CCDC42: variants seen among roughly 807,000 people sequenced by gnomAD.
The protein encoded by CCDC42 is coiled-coil domain-containing protein 42.
In CCDC42, 38 loss-of-function variants were observed where a neutral mutation model predicts 40.8. The observed-to-expected ratio is 0.93, with a 90% CI of 0.72 to 1.22. The LOEUF (loss-of-function observed/expected upper bound fraction) is 1.22, where lower values mean the gene tolerates loss of function less well. Among genes scored for constraint, CCDC42 ranks in the 50% most tolerant of loss-of-function variants. The probability of loss-of-function intolerance (pLI) is 0.00; values close to 1 mark genes in which losing one functional copy is unlikely to be tolerated. For missense variants in CCDC42, 379 were observed against 416.5 expected (o/e 0.91, Z 0.78); for synonymous variants, 135 against 157.5 (o/e 0.86, Z 1.07).
chr17:8,735,372 C>G lies in CCDC42; in HGVS notation c.714+18G>C. The G allele has an allele frequency of 6.2e-7, 1 of 1,613,146 alleles. No individual in the cohort carries two copies. The highest frequency in any genetic ancestry group is 1.3e-5 in the African/African-American group (1 of 75,020). The stretch of plus-strand genomic sequence containing the variant: ...CACCCAGTGCCTGGGAGCCCCCGGC[C>G]CGCCCCGGGCCCCTCACCCAGAAGA... On this transcript the variant is annotated intron_variant, in intron 5 of 6. Transcript: ENST00000293845. The surrounding 1 kb of genome is among the most constrained non-coding windows in gnomAD (Gnocchi z 4.7).
intron 3 of CCDC42, among the ~76,000 whole-genome samples, 181 bp from the exon 4 acceptor site, chr17:8,741,852 G>C (rs1375617018): frequency 6.6e-6 from 1 of 152,158 alleles, no homozygotes; most frequent in African/African-American, 2.4e-5. Context: ...GCTCTCCAGG[G>C]GTATTTGAAG....
chr17:8,739,251 A>C (rs1034451677), intron 4 of CCDC42, among the ~76,000 whole-genome samples: 5 of 152,184 alleles, frequency 3.3e-5, no homozygotes, highest in African/African-American at 1.2e-4. Context: ...TCCAAGGCAG[A>C]ACAGACCAGA....
At position 8,735,096 on chromosome 17, in the gene CCDC42, C is replaced by T; in HGVS notation, c.873G>A (p.Met291Ile). 6.2e-7 allele frequency: 1 copy of T among 1,614,162 alleles called. No individual in the cohort carries two copies. The highest frequency in any genetic ancestry group is 1.1e-5 in the South Asian group (1 of 91,078). The stretch of plus-strand genomic sequence containing the variant: ...CCCAGTGCCTGTCCCCTCCTCCTAC[C>T]ATGTCCAGCTGCTTGTGGGTGTCCT... Reference protein sequence around the residue: ...ALEDTHKQLDMIQQFIQDRSD... With the variant: ...ALEDTHKQLDIIQQFIQDRSD... Residue 291 changes from methionine (M) to isoleucine (I), a missense_variant and splice_region_variant, in exon 6 of 7, where the codon ATG becomes ATA. Physicochemically the swap from Met to Ile is conservative, Grantham distance 10 (BLOSUM62 1). Coordinates refer to ENST00000293845, the MANE Select transcript of CCDC42 (RefSeq NM_144681.3). This position sits in a 1 kb window ranked among gnomAD's most constrained non-coding sequence, Gnocchi z 4.7.
intron 4 of CCDC42, among the ~76,000 whole-genome samples, chr17:8,738,118 G>A (rs1020993136): frequency 3.3e-5 from 5 of 152,098 alleles, no homozygotes; most frequent in South Asian, 2.1e-4. Context: ...GAGCCACCAC[G>A]CTTGACCCAT....
At chr17:8,733,254 C>G (rs1285554175) in intron 6 of CCDC42, among the ~76,000 whole-genome samples, 1 of 152,132 alleles carries the variant, frequency 6.6e-6, no homozygotes, top group Non-Finnish European at 1.5e-5. Flanking sequence ...TTGTACTTTC[C>G]CAGGTCCTTA....
chr17:8,739,899 C>T (rs2086631313), intron 4 of CCDC42, among the ~76,000 whole-genome samples: 1 of 152,046 alleles, frequency 6.6e-6, no homozygotes, highest in Admixed American at 6.5e-5. Flanking sequence ...CTTCCTGCCC[C>T]CCCAACAAAC....
chr17:8,743,668 G>A lies in CCDC42; in HGVS notation c.252C>T (p.Ala84=), dbSNP rs1364107405. The part of the protein sequence containing the change: ...LRWEELGVKE[A]QLKAHIQKSE... The stretch of plus-strand genomic sequence containing the variant: ...ACTTCTGGATGTGAGCCTTCAGTTG[G>A]GCTTCCTTAACGCCCAGTTCCTCCC... Residue 84 remains alanine, a synonymous_variant, in exon 3 of 7, where the codon GCC becomes GCT. Transcript: ENST00000293845. The A allele has an allele frequency of 6.2e-7, 1 of 1,613,260 alleles. No individual in the cohort carries two copies. The highest frequency in any genetic ancestry group is 1.7e-5 in the Admixed American group (1 of 60,016).
At chr17:8,743,772 C>G in intron 2 of CCDC42, 42 bp from the exon 3 acceptor site, 1 of 1,179,798 alleles carries the variant, frequency 8.5e-7, no homozygotes, top group Non-Finnish European at 1.3e-6. Context: ...CAGGAGGGCT[C>G]CTGACATGAG....
intron 4 of CCDC42, among the ~76,000 whole-genome samples, chr17:8,738,186 T>G (rs558596064): frequency 6.6e-6 from 1 of 152,262 alleles, no homozygotes; most frequent in South Asian, 2.1e-4. Flanking sequence ...AATTGTATAG[T>G]AGGTGTGACA....
In CCDC42 at chr17:8,735,711, C is replaced by T; in HGVS notation, c.493-100G>A. The T allele has an allele frequency of 2.0e-6, 2 of 1,000,460 alleles. No individual in the cohort carries two copies. The highest frequency in any genetic ancestry group is 1.5e-6 in the Non-Finnish European group (1 of 686,538). The allele number at this position is 1,000,460 out of a possible 1,614,324, so 62.0% of individuals were successfully genotyped here. On this transcript the variant is annotated intron_variant, in intron 4 of 6. Transcript: ENST00000293845. This position sits in a 1 kb window ranked among gnomAD's most constrained non-coding sequence, Gnocchi z 4.7. Reference sequence around the variant, plus strand: ...CAGCCTGGATGCCTGGACACCTGGACACCTGGGCAGGCAGGCCCTTGGCCA... The same window carrying T: ...CAGCCTGGATGCCTGGACACCTGGATACCTGGGCAGGCAGGCCCTTGGCCA...
At chr17:8,740,899 A>C (rs2151139939) in intron 4 of CCDC42, among the ~76,000 whole-genome samples, 1 of 152,162 alleles carries the variant, frequency 6.6e-6, no homozygotes, top group Non-Finnish European at 1.5e-5. Flanking sequence ...GCTTGGGTTC[A>C]CCCTGGGGCT....
intron 2 of CCDC42, 143 bp downstream of exon 2, chr17:8,743,936 C>T (rs2086661236): frequency 7.4e-6 from 5 of 676,368 alleles, no homozygotes; most frequent in Non-Finnish European, 1.0e-5. Flanking sequence ...TTCTGTTCTC[C>T]CCAAAGAGAC....
chr17:8,743,436 G>C (rs1053981512), intron 3 of CCDC42, among the ~76,000 whole-genome samples, 190 bp downstream of exon 3: 2 of 152,172 alleles, frequency 1.3e-5, no homozygotes, highest in East Asian at 1.9e-4. Flanking sequence ...ATAGGTAAAT[G>C]GAAAATTACA....
At chr17:8,743,303 AG>A (rs1283272225) in intron 3 of CCDC42, among the ~76,000 whole-genome samples, 12 of 152,150 alleles carry the variant, frequency 7.9e-5, no homozygotes, top group Admixed American at 3.9e-4. Context: ...GTATTTCCCA[AG>A]TGTTTAGTCC....
chr17:8,731,325 AC>A (rs2086578657), intron 6 of CCDC42, among the ~76,000 whole-genome samples: 1 of 152,204 alleles, frequency 6.6e-6, no homozygotes, highest in Non-Finnish European at 1.5e-5. Flanking sequence ...AATTAGTTCA[AC>A]CATTGTGGAA....
intron 4 of CCDC42, among the ~76,000 whole-genome samples, chr17:8,740,441 A>G (rs1314581153): frequency 6.7e-6 from 1 of 149,952 alleles, no homozygotes; most frequent in Admixed American, 6.6e-5. Context: ...GTGAGCCGAG[A>G]TCAAGCCACT....
rs751904640 is a variant in CCDC42 at position 8,735,191 on chromosome 17, T to C, written c.778A>G (p.Lys260Glu). The C allele has an allele frequency of 3.1e-6, 5 of 1,614,090 alleles. No homozygotes were observed. In the East Asian group the frequency reaches 6.7e-5, roughly 22 times the overall value. The change falls in exon 6 of 7, where the codon AAG becomes GAG. Residue 260 changes from lysine (K) to glutamate (E), a missense_variant. Lys to Glu is a moderately conservative substitution (Grantham distance 56, BLOSUM62 1). Transcript: ENST00000293845. The surrounding 1 kb of genome is among the most constrained non-coding windows in gnomAD (Gnocchi z 4.7). Reference sequence around the variant, plus strand: ...TGGAAGAGGTTCAGCGTGGCCATCTTAATGGTGCCAAGCAGGAGGGTCTTC... The same window carrying C: ...TGGAAGAGGTTCAGCGTGGCCATCTCAATGGTGCCAAGCAGGAGGGTCTTC... The part of the protein sequence containing the change: ...AKKTLLLGTI[K>E]MATLNLFQIV...
rs1597344626 is a variant in CCDC42, at chr17:8,735,908, C to G, written c.493-297G>C. ...TAGGGGCTTTAAAAAGGACACCTGCCAGTCTCCACCCCCAGAGATTCAGAT... is the reference window on the plus strand; with the variant it reads ...TAGGGGCTTTAAAAAGGACACCTGCGAGTCTCCACCCCCAGAGATTCAGAT... On this transcript the variant is annotated intron_variant, in intron 4 of 6. Transcript: ENST00000293845. This position sits in a 1 kb window ranked among gnomAD's most constrained non-coding sequence, Gnocchi z 4.7. Among the ~76,000 whole-genome samples the G allele has an allele frequency of 2.6e-5, 4 of 152,166 alleles. No homozygotes were observed. The highest frequency in any genetic ancestry group is 2.6e-4 in the Admixed American group (4 of 15,286).
intron 6 of CCDC42, among the ~76,000 whole-genome samples, chr17:8,734,096 A>C (rs2086596239): frequency 6.6e-6 from 1 of 152,222 alleles, no homozygotes; most frequent in African/African-American, 2.4e-5. Flanking sequence ...TAGACATTAA[A>C]GGGATCTGCA....
Sources: gnomAD v4.1 joint callset for allele counts (sites outside exome capture counted in the v4.1 genomes callset) on GRCh38, gnomAD v4.1.1 for gene constraint, Gnocchi (gnomAD v3.1) non-coding constraint, MANE v1.5 for transcripts, NCBI Gene and HGNC (gene_info 2026-07-23, HGNC 2026-07-21) for gene names.